The following PDGFC variants were observed in gnomAD, a reference collection of about 807,000 sequenced individuals.
PDGFC encodes the protein platelet derived growth factor C, also known as platelet-derived growth factor C.
A neutral mutation model predicts 35.5 loss-of-function variants in PDGFC; 12 were observed. That is an observed-to-expected ratio of 0.34 (90% CI 0.22 to 0.55). PDGFC has a LOEUF of 0.55. Ranked by LOEUF, PDGFC falls within the 20% of genes least tolerant of loss-of-function variation. The pLI is 0.91. For synonymous variants in PDGFC, 159 were observed against 148.8 expected (o/e 1.07, Z -0.50); for missense variants, 322 against 412.4 (o/e 0.78, Z 1.90).
At position 156,764,786 on chromosome 4, in the gene PDGFC, A is replaced by G. The variant is rs538529489; in HGVS notation, c.922-1580T>C. On this transcript the variant is annotated intron_variant, in intron 5 of 5. Coordinates refer to ENST00000502773, the MANE Select transcript of PDGFC (RefSeq NM_016205.3). ...AAATTTAGTGTGTCAGACTAACTAC[A>G]TTTCAGATATTGGCACTATTCCTTA... Among the ~76,000 whole-genome samples the G allele has an allele frequency of 3.3e-5, 5 of 152,292 alleles. No homozygotes were observed. In the South Asian group the frequency reaches 1.0e-3, roughly 32 times the overall value.
chr4:156,954,510 C>T (rs116535091), intron 1 of PDGFC, among the ~76,000 whole-genome samples: 102 of 151,590 alleles, frequency 6.7e-4, no homozygotes, highest in African/African-American at 2.4e-3. Flanking sequence ...ACAAAAAATA[C>T]GTCAAAGTTA....
chr4:156,824,339 CACACACACACATATACACACAT>C (rs1253515425), intron 2 of PDGFC, among the ~76,000 whole-genome samples: 2 of 125,246 alleles, frequency 1.6e-5, no homozygotes, highest in African/African-American at 8.3e-5. Flanking sequence ...CACACACACA[CACACACACACATATACACACAT>C]ATATACACAC....
intron 1 of PDGFC, among the ~76,000 whole-genome samples, chr4:156,948,725 C>T (rs1240073566): frequency 1.3e-5 from 2 of 151,972 alleles, no homozygotes; most frequent in Non-Finnish European, 2.9e-5. Flanking sequence ...AGATGAAATA[C>T]TTACAACATT....
Position 156,850,314 on chromosome 4 carries a change from A to G in PDGFC, c.221T>C (p.Val74Ala). 1 of 1,609,038 alleles carries G rather than the reference A, an allele frequency of 6.2e-7. No homozygotes were observed. The highest frequency in any genetic ancestry group is 8.5e-7 in the Non-Finnish European group (1 of 1,175,964). Reference sequence around the variant, plus strand: ...TTCCTCTACTGCTACTAATCTCCATACCAAGACCGTATTTCTTGGATAAGT... The same window carrying G: ...TTCCTCTACTGCTACTAATCTCCATGCCAAGACCGTATTTCTTGGATAAGT... ...PHTYPRNTVL[V>A]WRLVAVEENV... The change falls in exon 2 of 6, where the codon GTA (valine) becomes GCA (alanine). Residue 74 changes from valine to alanine, a missense_variant. This residue lies in a region of PDGFC where 120 missense variants were observed against 116.6 expected (regional missense o/e 1.03). Coordinates refer to ENST00000502773, the MANE Select transcript of PDGFC (RefSeq NM_016205.3).
intron 1 of PDGFC, among the ~76,000 whole-genome samples, chr4:156,878,900 CCT>C (rs1553972344): frequency 1.3e-5 from 2 of 152,120 alleles, no homozygotes; most frequent in African/African-American, 4.8e-5. Context: ...ACCAAGTAGC[CCT>C]GTGTTGACTT....
intron 2 of PDGFC, among the ~76,000 whole-genome samples, chr4:156,830,143 T>G (rs762780669): frequency 8.5e-5 from 13 of 152,056 alleles, no homozygotes; most frequent in Non-Finnish European, 1.9e-4. Context: ...TTATAAGTAT[T>G]TTTATATAAA....
rs1049185385 is a variant in PDGFC, at chr4:156,813,804, A to G, written c.315-2787T>C. ...AATTTGTCAACGTTTTAAAAAATGGAATTTCATAGAAAACCTGGATGTTCG... is the reference window on the plus strand; with the variant it reads ...AATTTGTCAACGTTTTAAAAAATGGGATTTCATAGAAAACCTGGATGTTCG... On this transcript the variant is annotated intron_variant, in intron 2 of 5. Coordinates refer to ENST00000502773, the MANE Select transcript of PDGFC (RefSeq NM_016205.3). Among the ~76,000 whole-genome samples the G allele has an allele frequency of 3.9e-5, 6 of 152,240 alleles. No homozygotes were observed. The South Asian group carries it at 1.2e-3, about 32-fold the overall frequency.
At chr4:156,945,390 T>TAA (rs1731922579) in intron 1 of PDGFC, among the ~76,000 whole-genome samples, 1 of 109,778 alleles carries the variant, frequency 9.1e-6, no homozygotes, top group African/African-American at 3.4e-5. Flanking sequence ...TATATATATA[T>TAA]AATCAGTAGG....
intron 2 of PDGFC, among the ~76,000 whole-genome samples, 179 bp downstream of exon 2, chr4:156,850,042 T>A (rs1729415383): frequency 6.6e-6 from 1 of 152,116 alleles, no homozygotes; most frequent in African/African-American, 2.4e-5. Context: ...GCACAATGTG[T>A]CTTCCGATTT....
chr4:156,810,270 A>G (rs879662536), intron 3 of PDGFC, among the ~76,000 whole-genome samples: 3 of 151,944 alleles, frequency 2.0e-5, no homozygotes, highest in Non-Finnish European at 2.9e-5. Flanking sequence ...AAAATGGAAC[A>G]GAATATATAC....
chr4:156,844,250 A>T (rs868151368), intron 2 of PDGFC, among the ~76,000 whole-genome samples: 24 of 152,324 alleles, frequency 1.6e-4, no homozygotes, highest in Middle Eastern at 3.4e-3. Context: ...TATTTGGCAT[A>T]GGGCAAACAT....
intron 1 of PDGFC, among the ~76,000 whole-genome samples, chr4:156,937,429 C>T (rs1027871769): frequency 2.0e-5 from 3 of 152,082 alleles, no homozygotes; most frequent in East Asian, 1.9e-4. Context: ...TGGTCAGGCA[C>T]GGTGGCTCAC....
intron 1 of PDGFC, among the ~76,000 whole-genome samples, chr4:156,952,022 T>C (rs1432090677): frequency 6.6e-6 from 1 of 152,004 alleles, no homozygotes; most frequent in South Asian, 2.1e-4. Context: ...TTATTTGGGA[T>C]ATAAACTGTT....
intron 1 of PDGFC, among the ~76,000 whole-genome samples, chr4:156,940,352 A>G (rs1031621655): frequency 5.9e-5 from 9 of 152,146 alleles, no homozygotes; most frequent in African/African-American, 2.2e-4. Flanking sequence ...TGCCCTAAAT[A>G]TAGGTTATGA....
At chr4:156,889,874 T>C (rs1352173323) in intron 1 of PDGFC, among the ~76,000 whole-genome samples, 1 of 152,206 alleles carries the variant, frequency 6.6e-6, no homozygotes, top group Admixed American at 6.5e-5. Flanking sequence ...AGTTTAGTCA[T>C]AGCTAAAGCT....
chr4:156,932,174 T>A (rs1731565303), intron 1 of PDGFC, among the ~76,000 whole-genome samples: 1 of 151,682 alleles, frequency 6.6e-6, no homozygotes, highest in South Asian at 2.1e-4. Context: ...TTTTAAGGGA[T>A]TTTTTTTTAA....
chr4:156,805,228 G>T (rs971802857), intron 3 of PDGFC, among the ~76,000 whole-genome samples: 7 of 151,862 alleles, frequency 4.6e-5, no homozygotes, highest in African/African-American at 1.7e-4. Context: ...GTCATCTCAA[G>T]ACTCCTTGCA....
chr4:156,899,318 C>G (rs923299450), intron 1 of PDGFC, among the ~76,000 whole-genome samples: 3 of 151,998 alleles, frequency 2.0e-5, no homozygotes, highest in African/African-American at 7.3e-5. Flanking sequence ...AATATTAGAC[C>G]ATTTTATAGC....
intron 1 of PDGFC, among the ~76,000 whole-genome samples, chr4:156,910,897 T>C (rs1731023135): frequency 1.3e-5 from 2 of 152,178 alleles, no homozygotes; most frequent in Admixed American, 1.3e-4. Flanking sequence ...GATGTTCATG[T>C]TTTTACAGTT....
Sources: allele counts gnomAD v4.1 joint callset (sites outside exome capture counted in the v4.1 genomes callset), GRCh38; gene constraint gnomAD v4.1.1; regional missense constraint gnomAD v4.1.1; transcripts MANE v1.5; gene names NCBI Gene and HGNC (gene_info 2026-07-23, HGNC 2026-07-21).